Variants in MCM8 observed in about 807,000 individuals in gnomAD.
The protein encoded by MCM8 is DNA helicase MCM8.
A neutral mutation model predicts 98.9 loss-of-function variants in MCM8; 85 were observed. The ratio of observed to expected loss-of-function variants is 0.86; its 90% CI spans 0.72 to 1.03. The LOEUF is 1.03. Among genes scored for constraint, MCM8 ranks in the 50% least tolerant of loss-of-function variants. The pLI is 0.00. For synonymous variants in MCM8, 352 were observed against 338.6 expected (o/e 1.04, Z -0.44); for missense variants, 951 against 997.8 (o/e 0.95, Z 0.63).
chr20:5,989,741 G>T (rs896101625), intron 17 of MCM8, among the ~76,000 whole-genome samples: 1 of 152,120 alleles, frequency 6.6e-6, no homozygotes, highest in Non-Finnish European at 1.5e-5. Flanking sequence ...GAGGTATGCA[G>T]ATGGGTAGAA....
At chr20:5,965,481 G>A (rs1357894066) in intron 8 of MCM8, 1 of 152,048 alleles carries the variant, frequency 6.6e-6, no homozygotes, top group Non-Finnish European at 1.5e-5. Flanking sequence ...TATTATGGCG[G>A]TCCTTCTACT....
chr20:5,993,504 A>C lies in MCM8; in HGVS notation c.2241-2A>C, dbSNP rs1447613680. 3 of 1,515,532 alleles carry C rather than the reference A, an allele frequency of 2.0e-6. No individual in the cohort carries two copies. The African/African-American group carries it at 4.1e-5, about 21-fold the overall frequency. The allele number at this position is 1,515,532 out of a possible 1,614,324, so 93.9% of individuals were successfully genotyped here. A position where few individuals can be genotyped will look rare whatever the true frequency, so the allele number is the denominator to read the frequency against. On this transcript the variant is annotated splice_acceptor_variant, in intron 17 of 18. Coordinates refer to ENST00000610722, the MANE Select transcript of MCM8 (RefSeq NM_032485.6). LOFTEE classifies it high-confidence loss of function. ...GTAATTTTTTCTTCCTTTCTTTTTA[A>C]GCATGCTAGGAACTTACTCTGATGA...
intron 5 of MCM8, 60 bp downstream of exon 5, chr20:5,955,311 C>T: frequency 6.9e-7 from 1 of 1,449,150 alleles, no homozygotes; most frequent in African/African-American, 1.4e-5. Context: ...CACACACATG[C>T]ACACCTTGTC....
Position 5,961,682 on chromosome 20 carries a change from C to G in MCM8, c.790-1592C>G, listed in dbSNP as rs574089601. On this transcript the variant is annotated intron_variant, in intron 7 of 18. Coordinates refer to ENST00000610722, the MANE Select transcript of MCM8 (RefSeq NM_032485.6). ...GAAGACGGGGTCTCACTCTGTCACC[C>G]AGGCTGGAGTGCAGGGGCATGAATA... Among the ~76,000 whole-genome samples the G allele has an allele frequency of 1.6e-4, 25 of 152,292 alleles. 1 individual carries two copies. The East Asian group carries it at 4.8e-3, about 29-fold the overall frequency.
At chr20:5,969,077 A>C (rs1262173371) in intron 10 of MCM8, among the ~76,000 whole-genome samples, 1 of 152,200 alleles carries the variant, frequency 6.6e-6, no homozygotes, top group East Asian at 1.9e-4. Flanking sequence ...TATCACCTTA[A>C]AATGGAAATA....
At position 5,967,591 on chromosome 20, in the gene MCM8, G is replaced by C. The variant is rs765386720; in HGVS notation, c.1027+4G>C. The C allele has an allele frequency of 3.7e-6, 6 of 1,608,244 alleles. No individual in the cohort carries two copies. Among genetic ancestry groups the C allele is most frequent in the South Asian group, 1.1e-5 (1 of 90,502 alleles). ...AAAGTCTCAAATGCGGAAGAAGGTA[G>C]GGTACAACTCTTTTCATTATTTGTC... is the stretch of plus-strand genomic sequence containing the variant. On this transcript the variant is annotated splice_donor_region_variant and intron_variant, in intron 9 of 18. Transcript: ENST00000610722.
In MCM8 at chr20:5,985,904, C is replaced by CT. The variant is rs1266619672; in HGVS notation, c.1954-14dup. The CT allele has an allele frequency of 1.9e-6, 3 of 1,612,106 alleles. No individual in the cohort carries two copies. Among genetic ancestry groups the CT allele is most frequent in the Non-Finnish European group, 2.5e-6 (3 of 1,178,386 alleles). On this transcript the variant is annotated splice_polypyrimidine_tract_variant and intron_variant, in intron 15 of 18. Coordinates refer to ENST00000610722, the MANE Select transcript of MCM8 (RefSeq NM_032485.6). ...GCTACTTATCCTTGTTATCTTGGGC[C>CT]TTTTAATCATGCTTCAGGTGGTTCC...
intron 3 of MCM8, among the ~76,000 whole-genome samples, chr20:5,953,379 C>T (rs1335010687): frequency 2.0e-5 from 3 of 151,760 alleles, no homozygotes; most frequent in African/African-American, 4.8e-5. Context: ...TGTATAGGTG[C>T]AGGGAACTGT....
intron 12 of MCM8, among the ~76,000 whole-genome samples, chr20:5,974,505 A>G (rs1329632704): frequency 1.3e-5 from 2 of 152,190 alleles, no homozygotes; most frequent in Non-Finnish European, 2.9e-5. Flanking sequence ...CTGGCCCTTT[A>G]GTAAGTTGTA....
intron 14 of MCM8, among the ~76,000 whole-genome samples, chr20:5,984,089 C>G (rs1023307800): frequency 6.6e-6 from 1 of 152,170 alleles, no homozygotes; most frequent in African/African-American, 2.4e-5. Flanking sequence ...TGTATGCTTT[C>G]TCTTCTAATT....
intron 7 of MCM8, among the ~76,000 whole-genome samples, chr20:5,959,225 C>G (rs2089071566): frequency 6.6e-6 from 1 of 152,118 alleles, no homozygotes; most frequent in Non-Finnish European, 1.5e-5. Flanking sequence ...CATTTATCTA[C>G]TCTATGATTT....
At position 5,958,545 on chromosome 20, in the gene MCM8, C is replaced by CT; in HGVS notation, c.611dup (p.Leu204PhefsTer27). 1.2e-6 allele frequency: 2 copies of CT among 1,613,924 alleles called. No individual in the cohort carries two copies. The highest frequency in any genetic ancestry group is 1.7e-6 in the Non-Finnish European group (2 of 1,179,868). On this transcript the variant is annotated frameshift_variant, in exon 7 of 19. Coordinates refer to ENST00000610722, the MANE Select transcript of MCM8 (RefSeq NM_032485.6). LOFTEE classifies it high-confidence loss of function. ...GTCTTTAGGGTGTACAACTATGAGC[C>CT]TTTGACACAGCTCAAGAATGTCAGA...
chr20:5,963,283 C>T lies in MCM8; in HGVS notation c.799C>T (p.Pro267Ser), dbSNP rs571562516. Residue 267 changes from proline (P) to serine (S), a missense_variant, in exon 8 of 19, where the codon CCT (proline) becomes TCT (serine). Physicochemically the swap from Pro to Ser is moderately conservative, Grantham distance 74. Coordinates refer to ENST00000610722, the MANE Select transcript of MCM8 (RefSeq NM_032485.6). ...KYSLPTKCPV[P>S]VCRGRSFTAL... ...CTTTTGTTTCATTCAGTGTCCTGTGCCTGTGTGTCGAGGCAGGTCATTTAC... is the reference window on the plus strand; with the variant it reads ...CTTTTGTTTCATTCAGTGTCCTGTGTCTGTGTGTCGAGGCAGGTCATTTAC... 1 of 1,613,140 alleles carries T rather than the reference C, an allele frequency of 6.2e-7. No homozygotes were observed. Among genetic ancestry groups the T allele is most frequent in the South Asian group, 1.1e-5 (1 of 91,062 alleles).
At chr20:5,957,312 A>G (rs2089012358) in intron 6 of MCM8, 83 bp downstream of exon 6, 1 of 983,508 alleles carries the variant, frequency 1.0e-6, no homozygotes, top group Non-Finnish European at 1.5e-6. Flanking sequence ...TTTTATAAAA[A>G]TGAGGAAATC....
At chr20:5,956,506 G>A (rs1340251893) in intron 5 of MCM8, among the ~76,000 whole-genome samples, 1 of 152,142 alleles carries the variant, frequency 6.6e-6, no homozygotes, top group African/African-American at 2.4e-5. Flanking sequence ...CCTCATTGCA[G>A]CCTCAGCCTC....
intron 7 of MCM8, among the ~76,000 whole-genome samples, chr20:5,959,799 A>G (rs1452846008): frequency 6.7e-6 from 1 of 149,472 alleles, no homozygotes. Context: ...CCTGGGTTCA[A>G]GCAGTTCTCC....
chr20:5,952,762 G>T (rs955452495), intron 3 of MCM8, among the ~76,000 whole-genome samples: 1 of 152,152 alleles, frequency 6.6e-6, no homozygotes, highest in Admixed American at 6.5e-5. Context: ...CAAGAAATTG[G>T]ATACAAAAAT....
chr20:5,987,530 C>T (rs1477754786), intron 17 of MCM8, among the ~76,000 whole-genome samples, 172 bp downstream of exon 17: 1 of 152,118 alleles, frequency 6.6e-6, no homozygotes, highest in Non-Finnish European at 1.5e-5. Flanking sequence ...ATAATCTTTA[C>T]ATTAGAAATT....
Position 5,952,461 on chromosome 20 carries a change from A to AGAGTCAATG in MCM8, c.186_187insGAGTCAATG (p.Pro62_Gln63insGluSerMet), listed in dbSNP as rs1435030344. The AGAGTCAATG allele has an allele frequency of 1.2e-6, 2 of 1,613,992 alleles. No homozygotes were observed. The highest frequency in any genetic ancestry group is 2.2e-5 in the South Asian group (2 of 91,076). On this transcript the variant is annotated inframe_insertion, in exon 3 of 19. Transcript: ENST00000610722. ...AGTTTTTGCTTTCAACAAAGACCCC[A>AGAGTCAATG]CAGTCAATGCAGTCAACATTGGATC...
Sources: gnomAD v4.1 joint callset for allele counts (sites outside exome capture counted in the v4.1 genomes callset) on GRCh38, gnomAD v4.1.1 for gene constraint, MANE v1.5 for transcripts, NCBI Gene and HGNC (gene_info 2026-07-23, HGNC 2026-07-21) for gene names.